The following CLASP1 variants were observed in gnomAD, a reference collection of about 807,000 sequenced individuals.
The protein encoded by CLASP1 is CLIP-associating protein 1.
Under a neutral mutation model 192.3 loss-of-function variants are expected in CLASP1, and 38 were observed. The ratio of observed to expected loss-of-function variants is 0.20; its 90% CI spans 0.15 to 0.26. The LOEUF is 0.26. Ranked by LOEUF, CLASP1 falls within the 10% of genes least tolerant of loss-of-function variation. CLASP1 has a pLI of 1.00. For missense variants in CLASP1, 1,433 were observed against 1,932.5 expected (o/e 0.74, Z 4.85); for synonymous variants, 691 against 712.8 (o/e 0.97, Z 0.49).
chr2:121,478,983 CCACACACCCCACA>C (rs1559370202), intron 8 of CLASP1, among the ~76,000 whole-genome samples: 1 of 40,790 alleles, frequency 2.5e-5, no homozygotes, highest in African/African-American at 1.5e-4. Context: ...CACACACACA[CCACACACCCCACA>C]CACACACCAC....
At chr2:121,597,050 C>T (rs1021272057) in intron 2 of CLASP1, among the ~76,000 whole-genome samples, 1 of 152,138 alleles carries the variant, frequency 6.6e-6, no homozygotes, top group Admixed American at 6.6e-5. Flanking sequence ...GACACTGGGC[C>T]GGGACCGTAC....
At chr2:121,615,469 T>C (rs575222072) in intron 1 of CLASP1, among the ~76,000 whole-genome samples, 23 of 152,092 alleles carry the variant, frequency 1.5e-4, no homozygotes, top group Non-Finnish European at 2.8e-4. Flanking sequence ...TATTCTCATT[T>C]TGAAGATAAG....
intron 2 of CLASP1, among the ~76,000 whole-genome samples, chr2:121,573,598 C>A (rs936065601): frequency 3.3e-5 from 5 of 152,082 alleles, no homozygotes; most frequent in African/African-American, 1.2e-4. Context: ...AATTAGGAGA[C>A]TTTTCAGTTC....
exon 23 of CLASP1, chr2:121,418,651 G>A (rs756243437): frequency 6.2e-7 from 1 of 1,613,814 alleles, no homozygotes; most frequent in South Asian, 1.1e-5. Context: ...AGCAGGGCTT[G>A]TATCTCGGCT....
At chr2:121,469,900 G>A (rs2090364085) in exon 9 of CLASP1, 1 of 1,613,752 alleles carries the variant, frequency 6.2e-7, no homozygotes, top group Non-Finnish European at 8.5e-7. Context: ...CTTGGATGAT[G>A]TAGAACTAGC....
chr2:121,500,382 A>AAGAAAGAT, intron 8 of CLASP1, among the ~76,000 whole-genome samples: 1 of 150,126 alleles, frequency 6.7e-6, no homozygotes, highest in South Asian at 2.1e-4. Flanking sequence ...GAAAGAAAGA[A>AAGAAAGAT]AGAAAGAAAG....
At chr2:121,534,266 C>T (rs551456004) in intron 2 of CLASP1, among the ~76,000 whole-genome samples, 96 of 152,292 alleles carry the variant, frequency 6.3e-4, no homozygotes, top group African/African-American at 2.2e-3. Flanking sequence ...TAGTTAACCC[C>T]CTACCACATG....
intron 34 of CLASP1, among the ~76,000 whole-genome samples, chr2:121,372,632 G>T (rs1308828195): frequency 6.6e-6 from 1 of 152,216 alleles, no homozygotes; most frequent in Non-Finnish European, 1.5e-5. Flanking sequence ...GACAGCCCCA[G>T]AAGACTTCTG....
chr2:121,532,981 G>C lies in CLASP1; in HGVS notation c.196-2656C>G, dbSNP rs1409846938. Among the ~76,000 whole-genome samples, 3 of 152,330 alleles carry C rather than the reference G, an allele frequency of 2.0e-5. No individual in the cohort carries two copies. The East Asian group carries it at 5.8e-4, about 29-fold the overall frequency. On this transcript the variant is annotated intron_variant, in intron 2 of 39. Coordinates refer to ENST00000263710, the Ensembl canonical transcript of CLASP1. ...ACAGTTGCATTACTGGTTGCAGGTA[G>C]GGGTGTTATTCATGACAGAAACATC... is the stretch of plus-strand genomic sequence containing the variant.
chr2:121,435,285 T>C (rs1251042043), intron 19 of CLASP1, among the ~76,000 whole-genome samples: 1 of 152,210 alleles, frequency 6.6e-6, no homozygotes, highest in Admixed American at 6.5e-5. Flanking sequence ...TCTTTTTTTC[T>C]TTTTTTGAGG....
intron 37 of CLASP1, 43 bp downstream of exon 38, chr2:121,363,129 A>G (rs1414996495): frequency 6.2e-7 from 1 of 1,610,152 alleles, no homozygotes. Context: ...ACTGCTCCTC[A>G]TGACCCGTCT....
At chr2:121,456,715 G>C (rs1051411639) in intron 14 of CLASP1, among the ~76,000 whole-genome samples, 3 of 152,064 alleles carry the variant, frequency 2.0e-5, no homozygotes, top group Admixed American at 2.0e-4. Context: ...TGTACCCATA[G>C]AAACCCAGCA....
At chr2:121,622,177 T>C (rs986083064) in intron 1 of CLASP1, among the ~76,000 whole-genome samples, 5 of 152,110 alleles carry the variant, frequency 3.3e-5, no homozygotes, top group African/African-American at 1.2e-4. Flanking sequence ...TAAATCTATA[T>C]GGGGAATATT....
chr2:121,614,519 C>T (rs1037140575), intron 1 of CLASP1, among the ~76,000 whole-genome samples: 3 of 151,890 alleles, frequency 2.0e-5, no homozygotes, highest in Non-Finnish European at 4.4e-5. Flanking sequence ...AAACAAAAAA[C>T]AAAAACAAAA....
chr2:121,556,682 T>G (rs558079494), intron 2 of CLASP1, among the ~76,000 whole-genome samples: 2 of 152,338 alleles, frequency 1.3e-5, no homozygotes, highest in South Asian at 4.1e-4. Flanking sequence ...CATCTGATTA[T>G]CATTGCTATT....
At chr2:121,399,505 G>A (rs774287208) in intron 28 of CLASP1, among the ~76,000 whole-genome samples, 2 of 152,136 alleles carry the variant, frequency 1.3e-5, no homozygotes, top group Non-Finnish European at 2.9e-5. Context: ...CACAGGTAAA[G>A]GAAAGGAAAT....
intron 19 of CLASP1, among the ~76,000 whole-genome samples, chr2:121,435,320 G>GC (rs2082115448): frequency 6.6e-6 from 1 of 151,970 alleles, no homozygotes; most frequent in Admixed American, 6.6e-5. Context: ...CGTTGCCCAG[G>GC]CTGGAGTTCA....
chr2:121,455,339 A>G (rs571578541), intron 14 of CLASP1, among the ~76,000 whole-genome samples: 78 of 152,308 alleles, frequency 5.1e-4, no homozygotes, highest in African/African-American at 1.5e-3. Flanking sequence ...TGTTGAAGAG[A>G]TATCTGAACT....
At chr2:121,620,953 C>T (rs1189899311) in intron 1 of CLASP1, among the ~76,000 whole-genome samples, 1 of 152,140 alleles carries the variant, frequency 6.6e-6, no homozygotes, top group Non-Finnish European at 1.5e-5. Flanking sequence ...AGAAGCCACG[C>T]ACGGTGGCTC....
Sources: allele counts gnomAD v4.1 joint callset (sites outside exome capture counted in the v4.1 genomes callset), GRCh38; gene constraint gnomAD v4.1.1; transcripts MANE v1.5; gene names NCBI Gene and HGNC (gene_info 2026-07-23, HGNC 2026-07-21).